BBS1: variants seen among roughly 807,000 people sequenced by gnomAD.
BBS1 encodes the protein BBSome complex member BBS1.
BBS1 carries 60 observed loss-of-function variants against 73.9 expected under a neutral mutation model. The ratio of observed to expected loss-of-function variants is 0.81; its 90% confidence interval spans 0.66 to 1.01. BBS1 has a LOEUF of 1.01. Among genes scored for constraint, BBS1 ranks in the 50% least tolerant of loss-of-function variants. BBS1 has a pLI of 0.00. For synonymous variants in BBS1, 283 were observed against 317.4 expected, an observed-to-expected ratio of 0.89 and a Z score of 1.15; for missense variants, 718 against 770.3, an observed-to-expected ratio of 0.93 and a Z score of 0.80.
chr11:66,523,515 G>A lies in BBS1; in HGVS notation c.890G>A (p.Arg297Gln), dbSNP rs372092113. ...ELSAQPVGLI[R>Q]VHKVLVVGST... ...AGCGCCCAGCCTGTGGGACTTATCC[G>A]GGTACACAAGGTCCTAGTGGTGGGC... The change falls in exon 10 of 17, where the codon CGG becomes CAG. Residue 297 changes from arginine (R) to glutamine (Q), a missense_variant. Transcript: ENST00000318312. 3.7e-6 allele frequency: 6 copies of A among 1,613,908 alleles called. No homozygotes were observed. The highest frequency in any genetic ancestry group is 2.2e-5 in the South Asian group (2 of 91,056).
intron 12 of BBS1, 26 bp downstream of exon 12, chr11:66,526,218 G>T: frequency 6.2e-7 from 1 of 1,610,874 alleles, no homozygotes; most frequent in Non-Finnish European, 8.5e-7. Flanking sequence ...CCTGGCAAGG[G>T]CTTTGAAGTC....
At position 66,531,671 on chromosome 11, in the gene BBS1, C is replaced by T. The variant is rs1419343441; in HGVS notation, c.1624C>T (p.Pro542Ser). 1.2e-6 allele frequency: 2 copies of T among 1,614,138 alleles called. No individual in the cohort carries two copies. The highest frequency in any genetic ancestry group is 2.2e-5 in the South Asian group (2 of 91,086). Residue 542 changes from proline to serine, a missense_variant, in exon 16 of 17, where the codon CCA becomes TCA. Pro to Ser is a moderately conservative substitution (Grantham distance 74, BLOSUM62 -1). Transcript: ENST00000318312. Reference sequence around the variant, plus strand: ...CCAAACTTAGGTACCCTTGCTGGTGCCAGGGCTCAACTACCCCCTGGAGAC... The same window carrying T: ...CCAAACTTAGGTACCCTTGCTGGTGTCAGGGCTCAACTACCCCCTGGAGAC... ...RAFFKVPLLV[P>S]GLNYPLETFV... is the part of the protein sequence containing the mutation.
chr11:66,521,553 G>GA (rs1856217503), intron 9 of BBS1, 177 bp downstream of exon 9: 7 of 661,770 alleles, frequency 1.1e-5, no homozygotes, highest in Non-Finnish European at 1.9e-5. Flanking sequence ...AGGCTTGTGA[G>GA]ATAGGGGCTG....
intron 13 of BBS1, among the ~76,000 whole-genome samples, chr11:66,528,480 C>G (rs1856614886): frequency 6.6e-6 from 1 of 152,120 alleles, no homozygotes; most frequent in South Asian, 2.1e-4. Context: ...AAAATGAACT[C>G]AAGCTGTGGG....
chr11:66,519,661 C>A lies in BBS1; in HGVS notation c.636C>A (p.Asp212Glu), dbSNP rs775900681. The change falls in exon 8 of 17, where the codon GAC becomes GAA. Residue 212 changes from aspartate (D) to glutamate (E), a missense_variant. Physicochemically the swap from Asp to Glu is conservative, Grantham distance 45. Coordinates refer to ENST00000318312, the MANE Select transcript of BBS1 (RefSeq NM_024649.5). ...TMTTLKKNLA[D>E]EDAVSCLVLG... ...CCACCTTGAAGAAGAACCTGGCTGACGAGGATGCTGTGTCTTGCCTGGTGC... is the reference window on the plus strand; with the variant it reads ...CCACCTTGAAGAAGAACCTGGCTGAAGAGGATGCTGTGTCTTGCCTGGTGC... 3 of 1,613,860 alleles carry A rather than the reference C, an allele frequency of 1.9e-6. No homozygotes were observed. The highest frequency in any genetic ancestry group is 2.7e-5 in the African/African-American group (2 of 74,978).
At chr11:66,521,667 A>C (rs1488156415) in intron 9 of BBS1, 1 of 388,968 alleles carries the variant, frequency 2.6e-6, no homozygotes, top group Non-Finnish European at 4.9e-6. Context: ...GCACTTTGGG[A>C]GGCCGAGGCA....
intron 9 of BBS1, among the ~76,000 whole-genome samples, chr11:66,522,505 A>C (rs192842741): frequency 3.6e-4 from 55 of 151,490 alleles, no homozygotes; most frequent in East Asian, 3.6e-3. Flanking sequence ...GTGCCACCAC[A>C]CCCAGCTAAT....
At chr11:66,510,928 C>T (rs1199111155) in intron 1 of BBS1, 85 bp from the exon 2 acceptor site, 1 of 1,490,076 alleles carries the variant, frequency 6.7e-7, no homozygotes, top group African/African-American at 1.4e-5. Flanking sequence ...ACCTTATGTT[C>T]AGAGTGACCT....
chr11:66,519,749 G>A lies in BBS1; in HGVS notation c.723+1G>A. On this transcript the variant is annotated splice_donor_variant, in intron 8 of 16. Coordinates refer to ENST00000318312, the MANE Select transcript of BBS1 (RefSeq NM_024649.5). LOFTEE classifies it high-confidence loss of function. ...CGAGGCCTTCACCATTTTAGCCAAG[G>A]TCAGCGTCAGGTCTGGCCCTGGGCC... The A allele has an allele frequency of 1.2e-6, 2 of 1,613,034 alleles. No individual in the cohort carries two copies. The highest frequency in any genetic ancestry group is 1.7e-6 in the Non-Finnish European group (2 of 1,179,896).
chr11:66,514,504 A>AGCT lies in BBS1; in HGVS notation c.267_269dup (p.Ala90dup). ...CCGAAAGCCCGCTACCTGCTCTGCCAGCTGCTGCTGCCACCTTCCTCATGG... is the reference window on the plus strand; with the variant it reads ...CCGAAAGCCCGCTACCTGCTCTGCCAGCTGCTGCTGCTGCCACCTTCCTCATGG... On this transcript the variant is annotated inframe_insertion, in exon 4 of 17. Transcript: ENST00000318312. 1 of 1,614,184 alleles carries AGCT rather than the reference A, an allele frequency of 6.2e-7. No homozygotes were observed. Among genetic ancestry groups the AGCT allele is most frequent in the South Asian group, 1.1e-5 (1 of 91,078 alleles).
At position 66,531,741 on chromosome 11, in the gene BBS1, A is replaced by T; in HGVS notation, c.1694A>T (p.Lys565Met). The part of the protein sequence containing the change: ...LSNKGISDII[K>M]VLVLREGQSA... ...AACAAGGGCATCTCAGACATCATCA[A>T]GGTAGGCCCCGCACTTGTACCACGT... Residue 565 changes from lysine (K) to methionine (M), a missense_variant and splice_region_variant, in exon 16 of 17, where the codon AAG (lysine) becomes ATG (methionine). Coordinates refer to ENST00000318312, the MANE Select transcript of BBS1 (RefSeq NM_024649.5). 1 of 1,613,854 alleles carries T rather than the reference A, an allele frequency of 6.2e-7. No individual in the cohort carries two copies. The highest frequency in any genetic ancestry group is 1.1e-5 in the South Asian group (1 of 91,062).
At position 66,523,291 on chromosome 11, in the gene BBS1, G is replaced by C; in HGVS notation, c.831-165G>C. On this transcript the variant is annotated intron_variant, in intron 9 of 16. Transcript: ENST00000318312. ...GAAGACACACTTGATGTTTTCCAAG[G>C]CCACACATTTACTAAGGTGGCAGAA... 4 of 944,312 alleles carry C rather than the reference G, an allele frequency of 4.2e-6. No individual in the cohort carries two copies. The South Asian group carries it at 5.4e-5, about 13-fold the overall frequency. The allele number at this position is 944,312 out of a possible 1,614,324, so 58.5% of individuals were successfully genotyped here.
intron 4 of BBS1, 82 bp downstream of exon 4, chr11:66,514,760 A>T (rs2134771779): frequency 1.9e-6 from 3 of 1,545,548 alleles, no homozygotes; most frequent in Non-Finnish European, 2.7e-6. Context: ...CCTGGGAAGA[A>T]CGTGGGCTGG....
In BBS1 at chr11:66,526,146, T is replaced by C. The variant is rs2134809483; in HGVS notation, c.1134T>C (p.Phe378=). The change falls in exon 12 of 17, where the codon TTT becomes TTC. Residue 378 remains phenylalanine, a synonymous_variant. Transcript: ENST00000318312. ...HTPDAVTSLC[F]GRYGREDNTL... is the part of the protein sequence containing the mutation. ...AGGATGCAGTGACCAGCCTTTGCTTTGGCCGGTACGGGCGGGAGGACAACA... is the reference window on the plus strand; with the variant it reads ...AGGATGCAGTGACCAGCCTTTGCTTCGGCCGGTACGGGCGGGAGGACAACA... 6.2e-7 allele frequency: 1 copy of C among 1,614,218 alleles called. No individual in the cohort carries two copies. Among genetic ancestry groups the C allele is most frequent in the Non-Finnish European group, 8.5e-7 (1 of 1,180,042 alleles).
At chr11:66,531,617 C>T (rs755080922) in intron 15 of BBS1, 39 bp from the exon 16 acceptor site, 30 of 1,613,648 alleles carry the variant, frequency 1.9e-5, no homozygotes, top group South Asian at 9.9e-5. Context: ...AACACTGGCA[C>T]GAGGGCTGGT....
chr11:66,526,048 C>A, intron 11 of BBS1, 75 bp from the exon 12 acceptor site: 1 of 1,324,206 alleles, frequency 7.6e-7, no homozygotes, highest in Non-Finnish European at 1.1e-6. Context: ...ATATCTGGGG[C>A]CTCCCCTACC....
In BBS1 at chr11:66,523,579, G is replaced by A. The variant is rs1590766778; in HGVS notation, c.951+3G>A. 1.9e-6 allele frequency: 3 copies of A among 1,614,138 alleles called. No individual in the cohort carries two copies. Among genetic ancestry groups the A allele is most frequent in the Non-Finnish European group, 2.5e-6 (3 of 1,180,040 alleles). ...GCCTGCATGGCTTCACCCACAAGGT[G>A]CAGCCCCCAGCAAGCAGCAGCCCCT... is the stretch of plus-strand genomic sequence containing the variant. On this transcript the variant is annotated splice_donor_region_variant and intron_variant, in intron 10 of 16. Coordinates refer to ENST00000318312, the MANE Select transcript of BBS1 (RefSeq NM_024649.5).
At chr11:66,524,385 T>C (rs1323337353) in intron 11 of BBS1, 2 of 234,140 alleles carry the variant, frequency 8.5e-6, no homozygotes, top group East Asian at 2.3e-4. Context: ...AGGCTTACAG[T>C]CTAAGGTAAC....
chr11:66,532,098 G>A lies in BBS1; in HGVS notation c.*61G>A, dbSNP rs1177743406. The A allele has an allele frequency of 6.6e-7, 1 of 1,505,200 alleles. No homozygotes were observed. Among genetic ancestry groups the A allele is most frequent in the African/African-American group, 1.4e-5 (1 of 71,930 alleles). The allele number at this position is 1,505,200 out of a possible 1,614,324, so 93.2% of individuals were successfully genotyped here. ...CCAGGGAGAACTGGGCGGGTTTAGTGGCCCCAGGCCCACTCCTCATGCAGC... is the reference window on the plus strand; with the variant it reads ...CCAGGGAGAACTGGGCGGGTTTAGTAGCCCCAGGCCCACTCCTCATGCAGC... On this transcript the variant is annotated 3_prime_UTR_variant, in exon 17 of 17. Transcript: ENST00000318312.
Sources: gnomAD v4.1 joint callset for allele counts (sites outside exome capture counted in the v4.1 genomes callset) on GRCh38, gnomAD v4.1.1 for gene constraint, MANE v1.5 for transcripts, NCBI Gene and HGNC (gene_info 2026-07-23, HGNC 2026-07-21) for gene names.